FRAS1: variants seen among roughly 807,000 people sequenced by gnomAD.
FRAS1 encodes Fraser extracellular matrix complex subunit 1.
Under a neutral mutation model 435.2 loss-of-function variants are expected in FRAS1, and 290 were observed. That is an observed-to-expected ratio of 0.67 (90% CI 0.61 to 0.73). FRAS1 has a LOEUF of 0.73. FRAS1 is among the 30% of genes least tolerant of loss of function. The pLI, the probability that FRAS1 is intolerant of heterozygous loss-of-function variation, is 0.00. For synonymous variants in FRAS1, 1,800 were observed against 1,851.0 expected, an observed-to-expected ratio of 0.97 and a Z score of 0.71; for missense variants, 4,860 against 5,001.5, an observed-to-expected ratio of 0.97 and a Z score of 0.85.
chr4:78,407,214 T>C (rs980180681), intron 30 of FRAS1, among the ~76,000 whole-genome samples: 2 of 152,258 alleles, frequency 1.3e-5, no homozygotes, highest in Non-Finnish European at 2.9e-5. Flanking sequence ...AATTCTCTCA[T>C]GAAAATTTTC....
In FRAS1 at chr4:78,540,828, C is replaced by T. The variant is rs1404052501; in HGVS notation, c.11743C>T (p.Leu3915Phe). 1 of 1,614,008 alleles carries T rather than the reference C, an allele frequency of 6.2e-7. No individual in the cohort carries two copies. The highest frequency in any genetic ancestry group is 2.2e-5 in the East Asian group (1 of 44,890). ...SIGSALAAIMLLLLVFLVACF... is the reference protein window; with the variant it reads ...SIGSALAAIMFLLLVFLVACF... Reference sequence around the variant, plus strand: ...TGGCAGTGCCCTGGCTGCAATCATGCTTCTACTTCTGGTGTTTTTGGTGGC... The same window carrying T: ...TGGCAGTGCCCTGGCTGCAATCATGTTTCTACTTCTGGTGTTTTTGGTGGC... Residue 3915 changes from leucine (L) to phenylalanine (F), a missense_variant, in exon 74 of 74, where the codon CTT (leucine) becomes TTT (phenylalanine). Transcript: ENST00000512123.
intron 2 of FRAS1, among the ~76,000 whole-genome samples, chr4:78,114,464 A>G (rs912410699): frequency 6.6e-6 from 1 of 152,200 alleles, no homozygotes; most frequent in African/African-American, 2.4e-5. Flanking sequence ...GCTCATGAGC[A>G]TGGAATGTTC....
In FRAS1 at chr4:78,142,940, A is replaced by T. The variant is rs368256953; in HGVS notation, c.108+76924A>T. Among the ~76,000 whole-genome samples, 40 of 152,292 alleles carry T rather than the reference A, an allele frequency of 2.6e-4. 2 individuals carry two copies. Among genetic ancestry groups the T allele is most frequent in the African/African-American group, 8.9e-4 (37 of 41,574 alleles). On this transcript the variant is annotated intron_variant, in intron 2 of 73. Coordinates refer to ENST00000512123, the MANE Select transcript of FRAS1 (RefSeq NM_025074.7). ...AAAAATTAGTGATAAATCCAAAATA[A>T]GACAAGAAGGAGAGAAAAAGAAACA...
chr4:78,069,805 C>T (rs4642273), intron 2 of FRAS1, among the ~76,000 whole-genome samples: 33,512 of 146,870 alleles, frequency 0.23, 3,979 homozygotes, highest in African/African-American at 0.3. Context: ...TTTTTTTTAA[C>T]TTACTTTACA....
intron 14 of FRAS1, among the ~76,000 whole-genome samples, chr4:78,294,161 T>C (rs1171647907): frequency 6.6e-6 from 1 of 152,244 alleles, no homozygotes; most frequent in Non-Finnish European, 1.5e-5. Flanking sequence ...CCTGCTTCTA[T>C]GCTGCTCACA....
intron 35 of FRAS1, among the ~76,000 whole-genome samples, chr4:78,426,739 T>A (rs574308456): frequency 6.6e-6 from 1 of 152,222 alleles, no homozygotes; most frequent in Non-Finnish European, 1.5e-5. Flanking sequence ...CATTTGACTG[T>A]TTCTCAAAGA....
At position 78,477,795 on chromosome 4, in the gene FRAS1, T is replaced by C; in HGVS notation, c.7852-20T>C. On this transcript the variant is annotated intron_variant, in intron 54 of 73. Coordinates refer to ENST00000512123, the MANE Select transcript of FRAS1 (RefSeq NM_025074.7). Reference sequence around the variant, plus strand: ...GAAGCTGAGGCACAGCTTAACTTCTTGTTGGTTCCTTTGTGACAGGTCCAG... The same window carrying C: ...GAAGCTGAGGCACAGCTTAACTTCTCGTTGGTTCCTTTGTGACAGGTCCAG... The C allele has an allele frequency of 6.2e-7, 1 of 1,604,170 alleles. No individual in the cohort carries two copies. Among genetic ancestry groups the C allele is most frequent in the Non-Finnish European group, 8.5e-7 (1 of 1,173,364 alleles).
chr4:78,466,357 C>G lies in FRAS1; in HGVS notation c.7179C>G (p.Asn2393Lys), dbSNP rs1214700640. The change falls in exon 50 of 74, where the codon AAC becomes AAG. Residue 2393 changes from asparagine to lysine, a missense_variant. Transcript: ENST00000512123. ...TCAGCTACAGCCATGACGGCAGTAA[C>G]TCCCTCAAGGACCGGTTCACCTTCA... ...NRVSYSHDGSNSLKDRFTFTV... is the reference protein window; with the variant it reads ...NRVSYSHDGSKSLKDRFTFTV... 6.2e-6 allele frequency: 10 copies of G among 1,613,852 alleles called. No homozygotes were observed. The highest frequency in any genetic ancestry group is 6.8e-6 in the Non-Finnish European group (8 of 1,179,876).
chr4:78,501,790 G>C (rs60520656), intron 61 of FRAS1, among the ~76,000 whole-genome samples: 50,028 of 151,992 alleles, frequency 0.33, 8,964 homozygotes, highest in South Asian at 0.52. Flanking sequence ...TCATGAAGTC[G>C]TTACCCATGC....
intron 4 of FRAS1, among the ~76,000 whole-genome samples, chr4:78,250,352 A>G (rs1352733433): frequency 6.6e-6 from 1 of 152,190 alleles, no homozygotes; most frequent in Non-Finnish European, 1.5e-5. Context: ...GCCTTTTTAT[A>G]TAACATTATA....
chr4:78,342,725 A>G (rs1457846294), intron 20 of FRAS1, among the ~76,000 whole-genome samples: 1 of 152,178 alleles, frequency 6.6e-6, no homozygotes, highest in Non-Finnish European at 1.5e-5. Context: ...ATGCAGATGC[A>G]TTTTTTAAAC....
chr4:78,432,701 G>C (rs1272745839), intron 38 of FRAS1, 97 bp downstream of exon 38: 11 of 1,372,262 alleles, frequency 8.0e-6, no homozygotes, highest in African/African-American at 1.5e-5. Flanking sequence ...TGGGGCAGCA[G>C]GTATATGGTC....
intron 23 of FRAS1, among the ~76,000 whole-genome samples, chr4:78,371,798 T>C (rs1731522219): frequency 6.6e-6 from 1 of 152,196 alleles, no homozygotes; most frequent in African/African-American, 2.4e-5. Flanking sequence ...TGCGTCAGAA[T>C]TGCCTGGGCC....
chr4:78,114,370 G>A (rs1268155233), intron 2 of FRAS1, among the ~76,000 whole-genome samples: 1 of 152,168 alleles, frequency 6.6e-6, no homozygotes, highest in Non-Finnish European at 1.5e-5. Context: ...TGTGAAGAAA[G>A]TCATTGGTAG....
chr4:78,297,707 A>T (rs1050525097), intron 14 of FRAS1, among the ~76,000 whole-genome samples: 2 of 152,200 alleles, frequency 1.3e-5, no homozygotes, highest in Admixed American at 6.5e-5. Context: ...ACCCTCTTTT[A>T]ACATTTATTG....
At chr4:78,100,919 G>A (rs1370223560) in intron 2 of FRAS1, among the ~76,000 whole-genome samples, 1 of 152,154 alleles carries the variant, frequency 6.6e-6, no homozygotes, top group Non-Finnish European at 1.5e-5. Flanking sequence ...TGGCCTCAAA[G>A]CCCACTGTCT....
At chr4:78,514,677 A>T (rs1721149145) in intron 65 of FRAS1, among the ~76,000 whole-genome samples, 1 of 152,194 alleles carries the variant, frequency 6.6e-6, no homozygotes, top group African/African-American at 2.4e-5. Flanking sequence ...TTGAGTACCT[A>T]GTCATCATGG....
At chr4:78,197,170 A>G (rs894990488) in intron 2 of FRAS1, among the ~76,000 whole-genome samples, 4 of 152,106 alleles carry the variant, frequency 2.6e-5, no homozygotes, top group African/African-American at 9.7e-5. Context: ...TTTTGGGTCT[A>G]CTCTTACCCC....
intron 20 of FRAS1, among the ~76,000 whole-genome samples, chr4:78,346,432 TCA>T (rs1560671596): frequency 6.6e-6 from 1 of 152,212 alleles, no homozygotes; most frequent in Non-Finnish European, 1.5e-5. Flanking sequence ...ACCCAACGTG[TCA>T]CAGTTAGTAA....
Sources: gnomAD v4.1 joint callset for allele counts (sites outside exome capture counted in the v4.1 genomes callset) on GRCh38, gnomAD v4.1.1 for gene constraint, MANE v1.5 for transcripts, NCBI Gene and HGNC (gene_info 2026-07-23, HGNC 2026-07-21) for gene names.